The following DCAF13 variants were observed in gnomAD, a reference collection of about 807,000 sequenced individuals.
DCAF13 encodes the protein DDB1- and CUL4-associated factor 13.
Under a neutral mutation model 59.0 loss-of-function variants are expected in DCAF13, and 38 were observed. The ratio of observed to expected loss-of-function variants is 0.64; its 90% CI spans 0.50 to 0.84. DCAF13 has a LOEUF of 0.84. Among genes scored for constraint, DCAF13 ranks in the 40% least tolerant of loss-of-function variants. The probability of loss-of-function intolerance (pLI) is 0.00; values close to 1 mark genes in which losing one functional copy is unlikely to be tolerated. For synonymous variants in DCAF13, 173 were observed against 175.0 expected, an observed-to-expected ratio of 0.99 and a Z score of 0.09; for missense variants, 469 against 558.4, an observed-to-expected ratio of 0.84 and a Z score of 1.61.
chr8:103,428,884 T>C (rs1245977481), intron 5 of DCAF13: 1 of 151,336 alleles, frequency 6.6e-6, no homozygotes, highest in Non-Finnish European at 1.5e-5. Context: ...CTTGCCTGTA[T>C]AGCAGCTGTA....
rs1358681016 is a variant in DCAF13, at chr8:103,438,065, G to T, written c.951-2071G>T. Among the ~76,000 whole-genome samples the T allele has an allele frequency of 2.6e-5, 4 of 152,144 alleles. No individual in the cohort carries two copies. The East Asian group carries it at 7.7e-4, about 29-fold the overall frequency. On this transcript the variant is annotated intron_variant, in intron 8 of 10. Transcript: ENST00000612750. Reference sequence around the variant, plus strand: ...ACTCAGCATAGTTTACCATTGGGGAGGATTCTCAGTTACTTAAGTGACTAA... The same window carrying T: ...ACTCAGCATAGTTTACCATTGGGGATGATTCTCAGTTACTTAAGTGACTAA...
chr8:103,427,016 T>G (rs1466392809), intron 4 of DCAF13, 81 bp from the exon 5 acceptor site: 2 of 1,104,266 alleles, frequency 1.8e-6, no homozygotes, highest in African/African-American at 3.3e-5. Flanking sequence ...AAAGATAGTA[T>G]AGATAAATAT....
chr8:103,417,696 C>CGTGT, intron 1 of DCAF13, among the ~76,000 whole-genome samples: 1 of 149,608 alleles, frequency 6.7e-6, no homozygotes, highest in Middle Eastern at 3.5e-3. Flanking sequence ...TTAACATACA[C>CGTGT]ATATGTTGAG....
In DCAF13 at chr8:103,430,622, T is replaced by C; in HGVS notation, c.635T>C (p.Leu212Ser). 1.2e-6 allele frequency: 2 copies of C among 1,611,086 alleles called. No homozygotes were observed. The highest frequency in any genetic ancestry group is 1.7e-6 in the Non-Finnish European group (2 of 1,178,516). The change falls in exon 6 of 11, where the codon TTG (leucine) becomes TCG (serine). Residue 212 changes from leucine (L) to serine (S), a missense_variant. Coordinates refer to ENST00000612750, the MANE Select transcript of DCAF13 (RefSeq NM_015420.7). ...TATACTTGTTTTTAGACATTTCTCT[T>C]GGGAAGTTGTGCATCTGACAGGAAT... is the stretch of plus-strand genomic sequence containing the variant. Reference protein sequence around the residue: ...VKFNPIETFLLGSCASDRNIV... With the variant: ...VKFNPIETFLSGSCASDRNIV...
intron 8 of DCAF13, chr8:103,439,637 C>T (rs974976382): frequency 1.3e-5 from 2 of 152,030 alleles, no homozygotes; most frequent in Admixed American, 6.6e-5. Context: ...ACAATTTAAC[C>T]AAAACAAAAT....
chr8:103,426,769 G>A (rs916556756), intron 4 of DCAF13, among the ~76,000 whole-genome samples: 11 of 151,938 alleles, frequency 7.2e-5, no homozygotes, highest in African/African-American at 2.7e-4. Context: ...TCAATATTAT[G>A]GTTAGTATAT....
chr8:103,435,878 TC>T, intron 8 of DCAF13, 88 bp downstream of exon 8: 2 of 1,361,444 alleles, frequency 1.5e-6, no homozygotes, highest in Non-Finnish European at 2.1e-6. Context: ...GGCGATTTCA[TC>T]ATTGTGTGAA....
chr8:103,425,431 G>T (rs776931538), intron 3 of DCAF13, among the ~76,000 whole-genome samples: 25 of 152,150 alleles, frequency 1.6e-4, no homozygotes, highest in Admixed American at 3.3e-4. Flanking sequence ...TATTTGTGCA[G>T]CTGTCAGCAC....
intron 4 of DCAF13, 33 bp from the exon 5 acceptor site, chr8:103,427,064 A>G (rs763042484): frequency 5.2e-6 from 8 of 1,536,384 alleles, no homozygotes; most frequent in Non-Finnish European, 7.0e-6. Flanking sequence ...ATTAGTAATG[A>G]AAAAAATCCT....
At chr8:103,423,677 C>A (rs3098234) in intron 3 of DCAF13, among the ~76,000 whole-genome samples, 8,084 of 152,182 alleles carry the variant, frequency 0.053, 276 homozygotes, top group Non-Finnish European at 0.078. Context: ...AATGTTCTCA[C>A]CACAAAATAA....
In DCAF13 at chr8:103,426,041, A is replaced by G; in HGVS notation, c.379-15A>G. On this transcript the variant is annotated splice_polypyrimidine_tract_variant and intron_variant, in intron 3 of 10. Coordinates refer to ENST00000612750, the MANE Select transcript of DCAF13 (RefSeq NM_015420.7). ...TTGTTCCTTACCATCATCATAATAAAACAAATATTTCTAGGTTGGTGATGA... is the reference window on the plus strand; with the variant it reads ...TTGTTCCTTACCATCATCATAATAAGACAAATATTTCTAGGTTGGTGATGA... 6.3e-7 allele frequency: 1 copy of G among 1,589,232 alleles called. No individual in the cohort carries two copies. Among genetic ancestry groups the G allele is most frequent in the African/African-American group, 1.3e-5 (1 of 74,546 alleles).
At chr8:103,430,750 G>C (rs1007908699) in intron 6 of DCAF13, 61 bp downstream of exon 6, 2 of 1,212,178 alleles carry the variant, frequency 1.6e-6, no homozygotes, top group African/African-American at 3.1e-5. Context: ...TCTGTAAATA[G>C]AGTGACTAAC....
At chr8:103,422,004 A>T (rs1447009145) in intron 3 of DCAF13, among the ~76,000 whole-genome samples, 3 of 152,200 alleles carry the variant, frequency 2.0e-5, no homozygotes, top group African/African-American at 7.2e-5. Flanking sequence ...CTGTGCTTTG[A>T]GTTAAGTAAT....
At chr8:103,433,583 A>T (rs1586132595) in intron 7 of DCAF13, among the ~76,000 whole-genome samples, 1 of 150,808 alleles carries the variant, frequency 6.6e-6, no homozygotes, top group East Asian at 1.9e-4. Context: ...GAAGCAAAAA[A>T]GTAGTAGTGT....
intron 10 of DCAF13, chr8:103,441,892 AGTAGCTAG>A: frequency 2.9e-6 from 1 of 339,222 alleles, no homozygotes. Context: ...CAGCCTCCTG[AGTAGCTAG>A]GACTACAGGC....
chr8:103,420,893 T>A, intron 2 of DCAF13, 82 bp from the exon 3 acceptor site: 1 of 1,014,046 alleles, frequency 9.9e-7, no homozygotes, highest in Admixed American at 1.8e-5. Context: ...GTAGAGTGAT[T>A]CGTAGCCTTG....
intron 7 of DCAF13, among the ~76,000 whole-genome samples, chr8:103,434,912 A>G (rs1457265952): frequency 6.6e-6 from 1 of 152,078 alleles, no homozygotes; most frequent in Non-Finnish European, 1.5e-5. Context: ...AGGAGTATAA[A>G]TTAGTGCAAC....
Position 103,427,160 on chromosome 8 carries a change from G to A in DCAF13, c.532G>A (p.Val178Ile), listed in dbSNP as rs568236562. ...TGTTTTTGCCACATGTGGACAGCAA[G>A]TAGACATTTGGGATGAACAAAGAAC... ...EAVFATCGQQ[V>I]DIWDEQRTNP... The change falls in exon 5 of 11, where the codon GTA (valine) becomes ATA (isoleucine). Residue 178 changes from valine (V) to isoleucine (I), a missense_variant. By Grantham distance (29) the Val-to-Ile change is conservative (BLOSUM62 3). This residue lies in a region of DCAF13 where 355 missense variants were observed against 399.1 expected (regional missense o/e 0.89). Transcript: ENST00000612750. 1 of 1,613,532 alleles carries A rather than the reference G, an allele frequency of 6.2e-7. No homozygotes were observed. The highest frequency in any genetic ancestry group is 1.1e-5 in the South Asian group (1 of 91,064).
chr8:103,418,883 T>A lies in DCAF13; in HGVS notation c.71-1381T>A, dbSNP rs1266042607. Among the ~76,000 whole-genome samples, 538 of 56,694 alleles carry A rather than the reference T, an allele frequency of 9.5e-3. 20 individuals carry two copies. The highest frequency in any genetic ancestry group is 0.025 in the African/African-American group (426 of 16,830). The allele number at this position is 56,694 out of a possible 152,430, so 37.2% of individuals were successfully genotyped here. A position where few individuals can be genotyped will look rare whatever the true frequency, so the allele number is the denominator to read the frequency against. On this transcript the variant is annotated intron_variant, in intron 1 of 10. Coordinates refer to ENST00000612750, the MANE Select transcript of DCAF13 (RefSeq NM_015420.7). ...ATATATATATTTTTTTTTTTTTTTT[T>A]TTTTTTTTTTTTTTTTTTGAGATGA...
Sources: gnomAD v4.1 joint callset for allele counts (sites outside exome capture counted in the v4.1 genomes callset) on GRCh38, gnomAD v4.1.1 for gene constraint, gnomAD v4.1.1 regional missense constraint, MANE v1.5 for transcripts, NCBI Gene and HGNC (gene_info 2026-07-23, HGNC 2026-07-21) for gene names.